Variants in NALF1 observed in about 807,000 individuals in gnomAD.
The protein encoded by NALF1 is family with sequence similarity 155 member A.
Under a neutral mutation model 48.4 loss-of-function variants are expected in NALF1, and 3 were observed. The ratio of observed to expected loss-of-function variants is 0.06; its 90% CI spans 0.03 to 0.16. The LOEUF (loss-of-function observed/expected upper bound fraction) is 0.16, where lower values mean the gene tolerates loss of function less well. Among genes scored for constraint, NALF1 ranks in the 10% least tolerant of loss-of-function variants. NALF1 has a pLI of 1.00. For missense variants in NALF1, 526 were observed against 571.5 expected (o/e 0.92, Z 0.81); for synonymous variants, 262 against 245.7 (o/e 1.07, Z -0.62).
intron 1 of NALF1, among the ~76,000 whole-genome samples, chr13:107,628,378 C>T (rs981073840): frequency 6.6e-6 from 1 of 152,140 alleles, no homozygotes; most frequent in Non-Finnish European, 1.5e-5. Context: ...CCAGTTCCCA[C>T]TTTTGCTTTC....
At chr13:107,780,735 C>A (rs1877864265) in intron 1 of NALF1, among the ~76,000 whole-genome samples, 1 of 151,952 alleles carries the variant, frequency 6.6e-6, no homozygotes, top group South Asian at 2.1e-4. Flanking sequence ...AGTTTGAGAC[C>A]AGCCTGACTA....
intron 1 of NALF1, among the ~76,000 whole-genome samples, chr13:107,774,785 C>T (rs759384218): frequency 7.2e-5 from 11 of 152,098 alleles, no homozygotes; most frequent in Non-Finnish European, 1.0e-4. Flanking sequence ...ATTAGCCATG[C>T]TATGAAGGAG....
At chr13:107,313,968 CA>C (rs1359739164) in intron 1 of NALF1, among the ~76,000 whole-genome samples, 1 of 152,166 alleles carries the variant, frequency 6.6e-6, no homozygotes, top group African/African-American at 2.4e-5. Flanking sequence ...GAGGCTGTAT[CA>C]GGGGTGCGTC....
At chr13:107,351,804 G>T (rs1882881516) in intron 1 of NALF1, among the ~76,000 whole-genome samples, 1 of 152,192 alleles carries the variant, frequency 6.6e-6, no homozygotes, top group South Asian at 2.1e-4. Flanking sequence ...GGAATTGCAA[G>T]GTTCATACAT....
chr13:107,359,809 C>T (rs1233313991), intron 1 of NALF1, among the ~76,000 whole-genome samples: 2 of 151,970 alleles, frequency 1.3e-5, no homozygotes, highest in East Asian at 3.9e-4. Context: ...AGTGTGTGTT[C>T]CCAGACAACA....
chr13:107,864,641 C>T (rs1880661350), intron 1 of NALF1, among the ~76,000 whole-genome samples: 1 of 152,132 alleles, frequency 6.6e-6, no homozygotes. Context: ...AACATTAAGG[C>T]TTATAGAGAT....
At chr13:107,184,906 C>G (rs560829221) in intron 2 of NALF1, among the ~76,000 whole-genome samples, 1 of 152,094 alleles carries the variant, frequency 6.6e-6, no homozygotes, top group Admixed American at 6.6e-5. Context: ...CAGAATGGGA[C>G]CTTATTTGGA....
chr13:107,308,199 CT>C (rs772161115), intron 1 of NALF1, among the ~76,000 whole-genome samples: 263 of 98,186 alleles, frequency 2.7e-3, no homozygotes, highest in Middle Eastern at 8.5e-3. Flanking sequence ...TGTGTCTATG[CT>C]TTTTTTTTTT....
At chr13:107,569,370 G>T (rs950106788) in intron 1 of NALF1, among the ~76,000 whole-genome samples, 3 of 152,078 alleles carry the variant, frequency 2.0e-5, no homozygotes. Context: ...TACTCGGGAC[G>T]CTGAGGCAGG....
At chr13:107,549,689 C>T (rs917785489) in intron 1 of NALF1, among the ~76,000 whole-genome samples, 2 of 152,264 alleles carry the variant, frequency 1.3e-5, no homozygotes, top group South Asian at 2.1e-4. Context: ...TTTACCACTA[C>T]ATACTTAAAT....
chr13:107,810,631 CT>C lies in NALF1; in HGVS notation c.915+55050del, dbSNP rs1878960439. ...ATTTTTCAAAAAATCTTCTTCCGTTCTTGTCTTGGTTATTGGCAGATCATTA... is the reference window on the plus strand; with the variant it reads ...ATTTTTCAAAAAATCTTCTTCCGTTCTGTCTTGGTTATTGGCAGATCATTA... On this transcript the variant is annotated intron_variant, in intron 1 of 2. Coordinates refer to ENST00000375915, the MANE Select transcript of NALF1 (RefSeq NM_001080396.3). Among the ~76,000 whole-genome samples, 10 of 152,202 alleles carry C rather than the reference CT, an allele frequency of 6.6e-5. No homozygotes were observed. The South Asian group carries it at 2.1e-3, about 32-fold the overall frequency.
At chr13:107,805,777 T>C (rs557817916) in intron 1 of NALF1, among the ~76,000 whole-genome samples, 1 of 152,284 alleles carries the variant, frequency 6.6e-6, no homozygotes, top group Non-Finnish European at 1.5e-5. Flanking sequence ...AATATACATT[T>C]TGCAAGTGTC....
intron 1 of NALF1, among the ~76,000 whole-genome samples, chr13:107,250,918 T>A (rs1400254910): frequency 6.6e-6 from 1 of 152,180 alleles, no homozygotes; most frequent in African/African-American, 2.4e-5. Context: ...ATGTAGTATG[T>A]ACCTGCTTCT....
intron 1 of NALF1, among the ~76,000 whole-genome samples, chr13:107,342,081 C>G (rs1274674174): frequency 6.6e-6 from 1 of 152,092 alleles, no homozygotes; most frequent in African/African-American, 2.4e-5. Context: ...TTATCAAATA[C>G]TATAGATTTT....
intron 1 of NALF1, among the ~76,000 whole-genome samples, chr13:107,266,715 AT>A (rs1048244933): frequency 2.0e-5 from 3 of 152,186 alleles, no homozygotes; most frequent in Non-Finnish European, 4.4e-5. Context: ...TCACAATGCA[AT>A]TTTTAGGGTC....
chr13:107,359,855 A>G lies in NALF1; in HGVS notation c.916-149100T>C, dbSNP rs1883030421. 2.0e-5 allele frequency among the ~76,000 whole-genome samples: 3 copies of G among 152,120 alleles called. No homozygotes were observed. The South Asian group carries it at 6.2e-4, about 32-fold the overall frequency. On this transcript the variant is annotated intron_variant, in intron 1 of 2. Coordinates refer to ENST00000375915, the MANE Select transcript of NALF1 (RefSeq NM_001080396.3). ...GAAAACTATGCAACCACCTTCAATTATAATTTGTTCATTTGCACCTTAATG... is the reference window on the plus strand; with the variant it reads ...GAAAACTATGCAACCACCTTCAATTGTAATTTGTTCATTTGCACCTTAATG...
chr13:107,440,569 T>G (rs1884541675), intron 1 of NALF1, among the ~76,000 whole-genome samples: 1 of 152,172 alleles, frequency 6.6e-6, no homozygotes, highest in Non-Finnish European at 1.5e-5. Flanking sequence ...GGACACCGTG[T>G]TCTCTGAGTG....
intron 1 of NALF1, among the ~76,000 whole-genome samples, chr13:107,310,013 A>C (rs751762775): frequency 6.6e-6 from 1 of 152,186 alleles, no homozygotes; most frequent in Non-Finnish European, 1.5e-5. Context: ...CCAATTCCAC[A>C]TGGCGCTACC....
intron 1 of NALF1, among the ~76,000 whole-genome samples, chr13:107,819,595 G>C (rs550245831): frequency 6.6e-6 from 1 of 152,004 alleles, no homozygotes; most frequent in East Asian, 1.9e-4. Flanking sequence ...CACGGAGCAA[G>C]GTCTAGATTT....
Sources: allele counts gnomAD v4.1 joint callset (sites outside exome capture counted in the v4.1 genomes callset), GRCh38; gene constraint gnomAD v4.1.1; transcripts MANE v1.5; gene names NCBI Gene and HGNC (gene_info 2026-07-23, HGNC 2026-07-21).